Variants in TEKT5 observed in about 807,000 individuals in gnomAD.
TEKT5 encodes tektin 5.
In TEKT5, 52 loss-of-function variants were observed where a neutral mutation model predicts 48.7. The observed-to-expected ratio is 1.07, with a 90% CI of 0.86 to 1.35. TEKT5 has a LOEUF of 1.35. Ranked by LOEUF, TEKT5 falls within the 40% of genes most tolerant of loss-of-function variation. TEKT5 has a pLI of 0.00. For missense variants in TEKT5, 831 were observed against 641.6 expected (o/e 1.30, Z -3.19); for synonymous variants, 318 against 267.6 (o/e 1.19, Z -1.84).
rs1332634884 is a variant in TEKT5, at chr16:10,631,089, C to T, written c.1242-3290G>A. ...ATGTCCATATATATATATATACACA[C>T]ACACACACACACAAAAATTAGCGAA... On this transcript the variant is annotated intron_variant, in intron 6 of 6. Coordinates refer to ENST00000283025, the MANE Select transcript of TEKT5 (RefSeq NM_144674.2). 5.3e-5 allele frequency among the ~76,000 whole-genome samples: 8 copies of T among 149,848 alleles called. No individual in the cohort carries two copies. In the East Asian group the frequency reaches 5.8e-4, roughly 11 times the overall value.
chr16:10,655,848 G>C (rs1053782752), intron 5 of TEKT5, among the ~76,000 whole-genome samples: 2 of 152,150 alleles, frequency 1.3e-5, no homozygotes, highest in African/African-American at 4.8e-5. Flanking sequence ...GGCATCTGAT[G>C]ATACCATGAA....
chr16:10,676,735 A>G (rs1164136756), intron 4 of TEKT5, among the ~76,000 whole-genome samples: 1 of 152,182 alleles, frequency 6.6e-6, no homozygotes, highest in African/African-American at 2.4e-5. Context: ...ATATTTCTTC[A>G]ACTTCTACGA....
rs186329611 is a variant in TEKT5 at position 10,627,847 on chromosome 16, T to C, written c.1242-48A>G. ...GGCACAGGTTATTCATTTATTTTTA[T>C]TTGTTTATTTTTTGAGACAGAGTCT... On this transcript the variant is annotated intron_variant, in intron 6 of 6. Coordinates refer to ENST00000283025, the MANE Select transcript of TEKT5 (RefSeq NM_144674.2). 56 of 1,547,934 alleles carry C rather than the reference T, an allele frequency of 3.6e-5. No homozygotes were observed. In the African/African-American group the frequency reaches 6.0e-4, roughly 17 times the overall value.
intron 5 of TEKT5, among the ~76,000 whole-genome samples, chr16:10,668,611 G>C (rs1283578014): frequency 6.6e-6 from 1 of 152,204 alleles, no homozygotes; most frequent in Non-Finnish European, 1.5e-5. Flanking sequence ...TCACCCCTCA[G>C]ACGCCAGGCC....
At chr16:10,669,612 A>G (rs1209658680) in intron 5 of TEKT5, among the ~76,000 whole-genome samples, 1 of 152,162 alleles carries the variant, frequency 6.6e-6, no homozygotes, top group African/African-American at 2.4e-5. Flanking sequence ...AACACATATA[A>G]TATTTCACCT....
chr16:10,652,682 GACACACAC>G (rs1187367332), intron 5 of TEKT5, among the ~76,000 whole-genome samples: 376 of 7,604 alleles, frequency 0.049, 13 homozygotes, highest in East Asian at 0.19. Context: ...TACACAGGCA[GACACACAC>G]ACACACACAC....
rs1178174946 is a variant in TEKT5 at position 10,652,869 on chromosome 16, A to ACACACACACACC, written c.1087-16952_1087-16951insGGTGTGTGTGTG. Among the ~76,000 whole-genome samples the ACACACACACACC allele has an allele frequency of 4.8e-4, 43 of 88,944 alleles. 2 individuals carry two copies. The highest frequency in any genetic ancestry group is 1.9e-3 in the African/African-American group (33 of 17,752). The allele number at this position is 88,944 out of a possible 152,430, so 58.4% of individuals were successfully genotyped here. On this transcript the variant is annotated intron_variant, in intron 5 of 6. Coordinates refer to ENST00000283025, the MANE Select transcript of TEKT5 (RefSeq NM_144674.2). Reference sequence around the variant, plus strand: ...CACACACACACACACACACACACACACCCTCCAGGTCAGGTAGAGCGATCC... The same window carrying ACACACACACACC: ...CACACACACACACACACACACACACACACACACACACCCCCTCCAGGTCAGGTAGAGCGATCC...
chr16:10,649,245 T>C (rs1596404836), intron 5 of TEKT5, among the ~76,000 whole-genome samples: 1 of 151,916 alleles, frequency 6.6e-6, no homozygotes, highest in African/African-American at 2.4e-5. Flanking sequence ...CAGTCTCCTA[T>C]GTAGCTGGCA....
chr16:10,676,255 C>T, intron 4 of TEKT5, 74 bp from the exon 5 acceptor site: 1 of 1,443,408 alleles, frequency 6.9e-7, no homozygotes, highest in Admixed American at 1.8e-5. Context: ...CCTTGGCAGT[C>T]TTGGCCTCTG....
In TEKT5 at chr16:10,694,411, G is replaced by A. The variant is rs778861728; in HGVS notation, c.463C>T (p.Leu155=). ...LSDIGFWKSE[L]SYELDRLLTE... ...AGAAGCCTGTCCAGCTCATAGCTCA[G>A]CTCTGACTTCCAGAAGCCAATGTCC... is the stretch of plus-strand genomic sequence containing the variant. The change falls in exon 1 of 7, where the codon CTG becomes TTG. Residue 155 remains leucine, a synonymous_variant. Transcript: ENST00000283025. 1 of 1,614,142 alleles carries A rather than the reference G, an allele frequency of 6.2e-7. No individual in the cohort carries two copies. The highest frequency in any genetic ancestry group is 1.7e-5 in the Admixed American group (1 of 60,028).
At chr16:10,658,762 G>C (rs1468000140) in intron 5 of TEKT5, among the ~76,000 whole-genome samples, 4 of 151,474 alleles carry the variant, frequency 2.6e-5, no homozygotes, top group Non-Finnish European at 5.9e-5. Flanking sequence ...CTGTCACCCA[G>C]GCTGGAGTGC....
At chr16:10,669,012 T>A (rs959956891) in intron 5 of TEKT5, among the ~76,000 whole-genome samples, 1 of 152,174 alleles carries the variant, frequency 6.6e-6, no homozygotes, top group African/African-American at 2.4e-5. Context: ...GAGCTACTAA[T>A]TTTTCAAGAG....
intron 5 of TEKT5, among the ~76,000 whole-genome samples, chr16:10,668,331 C>T (rs1009668043): frequency 6.6e-6 from 1 of 152,176 alleles, no homozygotes; most frequent in African/African-American, 2.4e-5. Flanking sequence ...CTCCGTGACA[C>T]CATCAGAGAA....
At chr16:10,649,438 A>T (rs1898119303) in intron 5 of TEKT5, among the ~76,000 whole-genome samples, 1 of 146,828 alleles carries the variant, frequency 6.8e-6, no homozygotes, top group African/African-American at 2.5e-5. Flanking sequence ...TTATTTTTTT[A>T]ATTTTCTTTT....
intron 3 of TEKT5, among the ~76,000 whole-genome samples, chr16:10,687,137 G>A (rs1898875912): frequency 6.6e-6 from 1 of 152,156 alleles, no homozygotes; most frequent in African/African-American, 2.4e-5. Context: ...TTCGTCAGGA[G>A]GAATAAGTTC....
chr16:10,647,532 G>A (rs1898089736), intron 5 of TEKT5, among the ~76,000 whole-genome samples: 7 of 150,894 alleles, frequency 4.6e-5, no homozygotes, highest in Non-Finnish European at 1.0e-4. Flanking sequence ...CCCACCCTGA[G>A]CCCATCCAGG....
chr16:10,635,756 T>C lies in TEKT5; in HGVS notation c.1241+8A>G, dbSNP rs757720911. The C allele has an allele frequency of 4.3e-6, 7 of 1,609,198 alleles. No homozygotes were observed. The African/African-American group carries it at 9.4e-5, about 22-fold the overall frequency. On this transcript the variant is annotated splice_region_variant and intron_variant, in intron 6 of 6. Transcript: ENST00000283025. ...GTTCTCCTGCCTCCTCTGGCCTCCCTCACTTACTTCAACTGCGGGATGTCC... is the reference window on the plus strand; with the variant it reads ...GTTCTCCTGCCTCCTCTGGCCTCCCCCACTTACTTCAACTGCGGGATGTCC...
chr16:10,638,103 C>T (rs1897941208), intron 5 of TEKT5, among the ~76,000 whole-genome samples: 2 of 152,238 alleles, frequency 1.3e-5, no homozygotes, highest in Admixed American at 1.3e-4. Flanking sequence ...TGACCCACAG[C>T]ACCTGGTGGG....
At chr16:10,690,734 C>G in intron 1 of TEKT5, 1 of 985,388 alleles carries the variant, frequency 1.0e-6, no homozygotes, top group Non-Finnish European at 1.2e-6. Context: ...GAAGAGAGGA[C>G]AGGACAAGGG....
Sources: allele counts gnomAD v4.1 joint callset (sites outside exome capture counted in the v4.1 genomes callset), GRCh38; gene constraint gnomAD v4.1.1; transcripts MANE v1.5; gene names NCBI Gene and HGNC (gene_info 2026-07-23, HGNC 2026-07-21).